The following DPP6 variants were observed in gnomAD, a reference collection of about 807,000 sequenced individuals.
DPP6 encodes A-type potassium channel modulatory protein DPP6.
A neutral mutation model predicts 122.6 loss-of-function variants in DPP6; 69 were observed. The ratio of observed to expected loss-of-function variants is 0.56; its 90% CI spans 0.46 to 0.69. DPP6 has a LOEUF of 0.69. Among genes scored for constraint, DPP6 ranks in the 30% least tolerant of loss-of-function variants. DPP6 has a pLI of 0.00. For synonymous variants in DPP6, 418 were observed against 433.1 expected (o/e 0.97, Z 0.43); for missense variants, 928 against 1,116.9 (o/e 0.83, Z 2.41).
intron 1 of DPP6, among the ~76,000 whole-genome samples, chr7:153,998,043 G>A (rs1797525079): frequency 6.6e-6 from 1 of 151,360 alleles, no homozygotes; most frequent in African/African-American, 2.5e-5. Flanking sequence ...ACAGTGTCTT[G>A]TCTAGGTCTG....
At chr7:154,074,077 A>G (rs1218861548) in intron 1 of DPP6, among the ~76,000 whole-genome samples, 1 of 152,042 alleles carries the variant, frequency 6.6e-6, no homozygotes, top group African/African-American at 2.4e-5. Context: ...ATACATATAG[A>G]GAGAGATATA....
intron 7 of DPP6, among the ~76,000 whole-genome samples, chr7:154,686,085 C>T (rs1839580531): frequency 8.7e-6 from 1 of 115,090 alleles, no homozygotes. Flanking sequence ...ATGTTCCCAC[C>T]ACCATGCTAG....
At chr7:154,141,610 C>T (rs1266113492) in intron 1 of DPP6, among the ~76,000 whole-genome samples, 1 of 152,322 alleles carries the variant, frequency 6.6e-6, no homozygotes, top group Non-Finnish European at 1.5e-5. Context: ...GCAACATTTC[C>T]CTTTCTTCTG....
chr7:154,384,739 TTTA>T (rs574265291), intron 1 of DPP6, among the ~76,000 whole-genome samples: 15,878 of 103,464 alleles, frequency 0.15, 887 homozygotes, highest in South Asian at 0.22. Context: ...CTTTCTTTCT[TTTA>T]TTTTTTTTTG....
intron 8 of DPP6, among the ~76,000 whole-genome samples, chr7:154,767,542 G>A (rs1044725108): frequency 6.6e-6 from 1 of 152,096 alleles, no homozygotes; most frequent in African/African-American, 2.4e-5. Flanking sequence ...CTGGAGGTCT[G>A]GCTTCCTTCC....
At chr7:154,114,234 T>G (rs1280884897) in intron 1 of DPP6, among the ~76,000 whole-genome samples, 6 of 151,830 alleles carry the variant, frequency 4.0e-5, no homozygotes, top group Non-Finnish European at 8.8e-5. Context: ...TCAGACAATT[T>G]CCAGTTCAAT....
At chr7:154,705,770 C>A (rs564491768) in intron 7 of DPP6, among the ~76,000 whole-genome samples, 174 of 152,248 alleles carry the variant, frequency 1.1e-3, no homozygotes, top group Non-Finnish European at 2.0e-3. Flanking sequence ...TTAGCCAGAA[C>A]ATGTGAAAGT....
the DPP6 span, among the ~76,000 whole-genome samples, chr7:153,872,742 T>C: frequency 6.6e-6 from 1 of 152,198 alleles, no homozygotes; most frequent in African/African-American, 2.4e-5. Context: ...GGCAGAGCCA[T>C]GATTCAGCAG....
the DPP6 span, among the ~76,000 whole-genome samples, chr7:153,872,262 A>AT: frequency 6.6e-6 from 1 of 152,134 alleles, no homozygotes; most frequent in Admixed American, 6.6e-5. Context: ...GGTAATGTGT[A>AT]TTTTCATAAG....
intron 1 of DPP6, among the ~76,000 whole-genome samples, chr7:154,207,805 C>T (rs146793156): frequency 9.3e-4 from 142 of 152,094 alleles, no homozygotes; most frequent in African/African-American, 3.3e-3. Context: ...ATTTTTTTAA[C>T]GTAGCCGGAT....
At chr7:154,339,031 C>G (rs1191305210) in intron 1 of DPP6, among the ~76,000 whole-genome samples, 1 of 152,166 alleles carries the variant, frequency 6.6e-6, no homozygotes. Context: ...TCTAAACTTG[C>G]AGCAGACTGG....
chr7:153,942,052 T>C (rs1239364492), intron 1 of DPP6, among the ~76,000 whole-genome samples: 2 of 152,256 alleles, frequency 1.3e-5, no homozygotes, highest in Non-Finnish European at 2.9e-5. Context: ...TAGAGAATAC[T>C]GGATGAGCTG....
At chr7:154,045,739 A>C (rs1381082884) in intron 1 of DPP6, among the ~76,000 whole-genome samples, 4 of 152,262 alleles carry the variant, frequency 2.6e-5, no homozygotes, top group African/African-American at 9.6e-5. Flanking sequence ...AGAAAACGGC[A>C]TCTATTCACA....
the DPP6 span, among the ~76,000 whole-genome samples, chr7:153,831,341 TG>T: frequency 2.6e-5 from 4 of 152,122 alleles, no homozygotes; most frequent in African/African-American, 9.7e-5. Flanking sequence ...AGAGGTGAGA[TG>T]ATGTTGCCTG....
intron 6 of DPP6, among the ~76,000 whole-genome samples, chr7:154,650,974 G>T (rs1836840611): frequency 6.6e-6 from 1 of 152,168 alleles, no homozygotes; most frequent in African/African-American, 2.4e-5. Context: ...TTACATCTCT[G>T]TGTACATCCT....
In DPP6 at chr7:154,306,579, A is replaced by G. The variant is rs187793347; in HGVS notation, c.244-139635A>G. Among the ~76,000 whole-genome samples, 4 of 152,346 alleles carry G rather than the reference A, an allele frequency of 2.6e-5. No homozygotes were observed. In the East Asian group the frequency reaches 7.7e-4, roughly 29 times the overall value. On this transcript the variant is annotated intron_variant, in intron 1 of 25. Transcript: ENST00000377770. ...GAAGCTGAAGAGCCTCCTTGAGGAC[A>G]CTGTGTGACAGAATTCCATGCCAAC...
At chr7:154,634,759 T>G (rs1431565515) in intron 5 of DPP6, among the ~76,000 whole-genome samples, 5 of 152,010 alleles carry the variant, frequency 3.3e-5, no homozygotes, top group African/African-American at 1.2e-4. Context: ...GTTATTTTAA[T>G]TGCTCTCCCC....
chr7:153,952,689 C>T (rs1045001519), intron 1 of DPP6, among the ~76,000 whole-genome samples: 4 of 152,294 alleles, frequency 2.6e-5, no homozygotes, highest in African/African-American at 7.2e-5. Flanking sequence ...TTATTTATTC[C>T]TTTACTACAT....
At chr7:154,411,249 T>C (rs1816572722) in intron 1 of DPP6, among the ~76,000 whole-genome samples, 1 of 152,160 alleles carries the variant, frequency 6.6e-6, no homozygotes, top group South Asian at 2.1e-4. Context: ...AAAATTATAG[T>C]CAATTTTCTA....
Sources: gnomAD v4.1 joint callset for allele counts (sites outside exome capture counted in the v4.1 genomes callset) on GRCh38, gnomAD v4.1.1 for gene constraint, MANE v1.5 for transcripts, NCBI Gene and HGNC (gene_info 2026-07-23, HGNC 2026-07-21) for gene names.